Variants in LGSN observed in about 807,000 individuals in gnomAD.
The protein encoded by LGSN is lengsin.
A neutral mutation model predicts 19.5 loss-of-function variants in LGSN; 21 were observed. The ratio of observed to expected loss-of-function variants is 1.07; its 90% CI spans 0.76 to 1.55. The LOEUF (loss-of-function observed/expected upper bound fraction) is 1.55. Among genes scored for constraint, LGSN ranks in the 40% most tolerant of loss-of-function variants. The probability of loss-of-function intolerance (pLI) is 0.00; values close to 1 mark genes in which losing one functional copy is unlikely to be tolerated. For missense variants in LGSN, 673 were observed against 608.5 expected, an observed-to-expected ratio of 1.11 and a Z score of -1.12; for synonymous variants, 257 against 215.6, an observed-to-expected ratio of 1.19 and a Z score of -1.68.
the LGSN span, among the ~76,000 whole-genome samples, chr6:63,371,771 G>A: frequency 6.6e-6 from 1 of 152,174 alleles, no homozygotes; most frequent in Non-Finnish European, 1.5e-5. Context: ...GTCCTTTAAA[G>A]TTCCTGGATT....
the LGSN span, among the ~76,000 whole-genome samples, chr6:63,408,914 T>C: frequency 6.6e-6 from 1 of 152,194 alleles, no homozygotes; most frequent in African/African-American, 2.4e-5. Flanking sequence ...TTTTTAAATA[T>C]CTTTGTTTTT....
the LGSN span, among the ~76,000 whole-genome samples, chr6:63,471,248 G>A: frequency 6.6e-6 from 1 of 150,566 alleles, no homozygotes; most frequent in South Asian, 2.1e-4. Flanking sequence ...AAAGTGCTGA[G>A]ATTACAGGCA....
chr6:63,499,902 G>A, the LGSN span, among the ~76,000 whole-genome samples: 2 of 151,176 alleles, frequency 1.3e-5, no homozygotes, highest in African/African-American at 4.9e-5. Flanking sequence ...AGAGACTCAT[G>A]CAACCATATG....
intron 2 of LGSN, among the ~76,000 whole-genome samples, chr6:63,287,682 T>C (rs1767596877): frequency 6.6e-6 from 1 of 152,004 alleles, no homozygotes; most frequent in Non-Finnish European, 1.5e-5. Flanking sequence ...CACTCCAGCC[T>C]ATGCAACAAA....
At chr6:63,456,601 T>C in the LGSN span, among the ~76,000 whole-genome samples, 2 of 151,784 alleles carry the variant, frequency 1.3e-5, no homozygotes, top group Admixed American at 6.6e-5. Context: ...AACCTGTAAG[T>C]TGTGCTCCCT....
At chr6:63,348,383 G>A in the LGSN span, among the ~76,000 whole-genome samples, 16 of 151,512 alleles carry the variant, frequency 1.1e-4, no homozygotes, top group Admixed American at 3.3e-4. Flanking sequence ...GAATCCAGGA[G>A]GCGGAGGTTT....
chr6:63,477,804 G>T, the LGSN span, among the ~76,000 whole-genome samples: 64 of 146,778 alleles, frequency 4.4e-4, no homozygotes, highest in African/African-American at 1.6e-3. Flanking sequence ...AAAGTGCTGG[G>T]ATTACAGATT....
intron 3 of LGSN, among the ~76,000 whole-genome samples, chr6:63,282,258 T>C (rs1767348170): frequency 6.6e-6 from 1 of 152,232 alleles, no homozygotes; most frequent in South Asian, 2.1e-4. Flanking sequence ...TCACTGAGTA[T>C]AAAAGGTTGG....
At chr6:63,412,399 GA>G in the LGSN span, among the ~76,000 whole-genome samples, 82 of 118,486 alleles carry the variant, frequency 6.9e-4, no homozygotes, top group Middle Eastern at 7.9e-3. Flanking sequence ...ATGAAAGAAG[GA>G]AAGAAAGAAA....
chr6:63,382,343 T>C, the LGSN span, among the ~76,000 whole-genome samples: 5 of 152,232 alleles, frequency 3.3e-5, no homozygotes, highest in African/African-American at 9.6e-5. Context: ...TCTTTATGCA[T>C]CCTTTTAGAC....
the LGSN span, among the ~76,000 whole-genome samples, chr6:63,534,538 G>A: frequency 2.0e-5 from 3 of 151,818 alleles, no homozygotes; most frequent in Admixed American, 6.6e-5. Context: ...ATTTATGCTG[G>A]GTGCAGTGGC....
the LGSN span, among the ~76,000 whole-genome samples, chr6:63,335,897 T>C: frequency 6.6e-6 from 1 of 152,020 alleles, no homozygotes; most frequent in African/African-American, 2.4e-5. Context: ...CTATTCACAA[T>C]AGAAGATATG....
At chr6:63,412,718 G>GGAAAGAAA in the LGSN span, among the ~76,000 whole-genome samples, 220 of 54,788 alleles carry the variant, frequency 4.0e-3, 1 homozygote, top group Non-Finnish European at 5.0e-3. Flanking sequence ...AGGGAAGGAA[G>GGAAAGAAA]GAAAGAAAGA....
the LGSN span, among the ~76,000 whole-genome samples, chr6:63,467,569 C>T: frequency 1.3e-5 from 2 of 152,238 alleles, no homozygotes; most frequent in Non-Finnish European, 2.9e-5. Flanking sequence ...CACCTTCTCC[C>T]TGTGACTGCA....
the LGSN span, among the ~76,000 whole-genome samples, chr6:63,434,604 C>CAAAAAAAAAAA: frequency 3.0e-4 from 19 of 62,870 alleles, no homozygotes; most frequent in African/African-American, 5.4e-4. Context: ...ACTAAAAATT[C>CAAAAAAAAAAA]AAAAAAAAAA....
At chr6:63,298,375 A>C (rs924397103) in intron 1 of LGSN, among the ~76,000 whole-genome samples, 5 of 152,188 alleles carry the variant, frequency 3.3e-5, no homozygotes, top group African/African-American at 1.2e-4. Flanking sequence ...AGACTCAATA[A>C]CTAATTGGAT....
chr6:63,568,943 C>T, the LGSN span, among the ~76,000 whole-genome samples: 2 of 151,974 alleles, frequency 1.3e-5, no homozygotes, highest in Non-Finnish European at 2.9e-5. Flanking sequence ...CATATATTTG[C>T]TAGACTGTCA....
chr6:63,559,374 GT>G, the LGSN span, among the ~76,000 whole-genome samples: 1 of 152,092 alleles, frequency 6.6e-6, no homozygotes, highest in Non-Finnish European at 1.5e-5. Flanking sequence ...TGTAAAAACA[GT>G]AAATTTACTT....
the LGSN span, among the ~76,000 whole-genome samples, chr6:63,567,502 T>C: frequency 3.3e-5 from 5 of 152,234 alleles, no homozygotes; most frequent in Non-Finnish European, 7.3e-5. Context: ...GTCTCAACAG[T>C]GGACTTAAAA....
Sources: gnomAD v4.1 joint callset for allele counts (sites outside exome capture counted in the v4.1 genomes callset) on GRCh38, gnomAD v4.1.1 for gene constraint, MANE v1.5 for transcripts, NCBI Gene and HGNC (gene_info 2026-07-23, HGNC 2026-07-21) for gene names.